SGCD: variants seen among roughly 807,000 people sequenced by gnomAD.
SGCD encodes sarcoglycan delta.
A neutral mutation model predicts 36.6 loss-of-function variants in SGCD; 18 were observed. The observed-to-expected ratio is 0.49, with a 90% confidence interval of 0.34 to 0.73. SGCD has a LOEUF of 0.73. Among genes scored for constraint, SGCD ranks in the 30% least tolerant of loss-of-function variants. The pLI, the probability that SGCD is intolerant of heterozygous loss-of-function variation, is 0.01. For missense variants in SGCD, 387 were observed against 346.7 expected (o/e 1.12, Z -0.92); for synonymous variants, 133 against 130.6 (o/e 1.02, Z -0.12).
At chr5:156,560,910 G>A (rs998856544) in intron 4 of SGCD, among the ~76,000 whole-genome samples, 1 of 152,048 alleles carries the variant, frequency 6.6e-6, no homozygotes, top group African/African-American at 2.4e-5. Flanking sequence ...AACTATTGAC[G>A]ACATTATTAG....
chr5:155,860,211 GA>G, the SGCD span, among the ~76,000 whole-genome samples: 1 of 152,194 alleles, frequency 6.6e-6, no homozygotes, highest in African/African-American at 2.4e-5. Context: ...TCAGGCCAAT[GA>G]CTCAGAACAT....
intron 6 of SGCD, among the ~76,000 whole-genome samples, chr5:156,599,607 A>C (rs1761084353): frequency 6.6e-6 from 1 of 152,224 alleles, no homozygotes; most frequent in Admixed American, 6.5e-5. Flanking sequence ...GGACAATGAC[A>C]ACCTTGAGCA....
intron 1 of SGCD, among the ~76,000 whole-genome samples, chr5:156,030,588 A>AT (rs764071327): frequency 4.7e-4 from 72 of 152,214 alleles, no homozygotes; most frequent in Non-Finnish European, 8.7e-4. Flanking sequence ...GTTTATGGTC[A>AT]TTTTTTATAG....
rs397517923 is a variant in SGCD at position 156,344,554 on chromosome 5, C to T, written c.69C>T (p.Tyr23=). The T allele has an allele frequency of 4.3e-5, 70 of 1,611,946 alleles. No homozygotes were observed. In the Admixed American group the frequency reaches 5.0e-4, roughly 12 times the overall value. Residue 23 remains tyrosine, a synonymous_variant, in exon 3 of 9, where the codon TAC becomes TAT. Transcript: ENST00000337851. ...CTGGCTCTGTGGGGCCACAGGTATA[C>T]AAGGTGGGGATTTATGGCTGGCGGA... ...TMPGSVGPQV[Y]KVGIYGWRKR...
intron 1 of SGCD, among the ~76,000 whole-genome samples, chr5:156,095,713 A>T (rs776978701): frequency 6.6e-6 from 1 of 152,184 alleles, no homozygotes; most frequent in Non-Finnish European, 1.5e-5. Flanking sequence ...GCCCAAGCAT[A>T]AATGTTCCCT....
At chr5:156,275,393 C>T (rs767564999) in intron 3 of SGCD, among the ~76,000 whole-genome samples, 1 of 152,098 alleles carries the variant, frequency 6.6e-6, no homozygotes, top group Non-Finnish European at 1.5e-5. Flanking sequence ...TATCTTAGTA[C>T]ATAAAATATG....
At chr5:156,644,104 T>C (rs913092361) in intron 6 of SGCD, among the ~76,000 whole-genome samples, 1 of 152,216 alleles carries the variant, frequency 6.6e-6, no homozygotes, top group African/African-American at 2.4e-5. Context: ...TACACTTAAG[T>C]AATTTCTGAT....
At chr5:156,146,057 C>CA (rs1421939488) in intron 3 of SGCD, among the ~76,000 whole-genome samples, 13 of 151,920 alleles carry the variant, frequency 8.6e-5, no homozygotes, top group African/African-American at 1.5e-4. Flanking sequence ...ACTAAAAATA[C>CA]AAAAAATTAG....
At chr5:156,143,280 AG>A (rs1390640485) in intron 3 of SGCD, among the ~76,000 whole-genome samples, 2 of 152,196 alleles carry the variant, frequency 1.3e-5, no homozygotes, top group Non-Finnish European at 1.5e-5. Context: ...AAGATTTCAG[AG>A]GATGTGTGGA....
chr5:156,594,875 TTCTC>T (rs138491950), intron 5 of SGCD, 53 bp from the exon 6 acceptor site: 45 of 1,154,726 alleles, frequency 3.9e-5, no homozygotes, highest in African/African-American at 1.2e-4. Context: ...TAATGGTGTT[TTCTC>T]TCTCTCTCTC....
intron 3 of SGCD, among the ~76,000 whole-genome samples, chr5:156,207,956 A>C (rs1241404792): frequency 6.6e-6 from 1 of 152,166 alleles, no homozygotes; most frequent in African/African-American, 2.4e-5. Context: ...CATAATTGTT[A>C]AGAACCCTTT....
the SGCD span, among the ~76,000 whole-genome samples, chr5:155,783,947 A>AT: frequency 3.9e-5 from 6 of 152,196 alleles, no homozygotes; most frequent in Non-Finnish European, 8.8e-5. Context: ...TTCCCTCCTC[A>AT]TGATGTCCAC....
chr5:156,608,779 A>G (rs957151186), intron 6 of SGCD, among the ~76,000 whole-genome samples: 61 of 152,072 alleles, frequency 4.0e-4, no homozygotes, highest in Non-Finnish European at 4.4e-4. Context: ...TGTTGAATTG[A>G]TCCCTTTACC....
chr5:156,579,835 A>G (rs1760168956), intron 4 of SGCD, among the ~76,000 whole-genome samples: 2 of 152,140 alleles, frequency 1.3e-5, no homozygotes, highest in African/African-American at 4.8e-5. Flanking sequence ...TCTCCTGAAT[A>G]CAGCACACTG....
intron 4 of SGCD, among the ~76,000 whole-genome samples, chr5:156,582,851 AGTAGG>A (rs1263259111): frequency 6.6e-6 from 1 of 152,220 alleles, no homozygotes; most frequent in Non-Finnish European, 1.5e-5. Flanking sequence ...AAACACACAC[AGTAGG>A]AGAACCACTG....
chr5:156,137,405 A>G (rs1176723172), intron 3 of SGCD, among the ~76,000 whole-genome samples: 1 of 152,234 alleles, frequency 6.6e-6, no homozygotes, highest in East Asian at 1.9e-4. Flanking sequence ...AACATGGAGA[A>G]CATGTAGAAA....
rs552469618 is a variant in SGCD, at chr5:156,544,391, C to T, written c.294+35689C>T. On this transcript the variant is annotated intron_variant, in intron 4 of 8. Transcript: ENST00000337851. ...ACTGCCAGATTGTGAAATTTGAAAACGGCCAAGTCAGAAAATCTGAAATGT... is the reference window on the plus strand; with the variant it reads ...ACTGCCAGATTGTGAAATTTGAAAATGGCCAAGTCAGAAAATCTGAAATGT... 5.3e-5 allele frequency among the ~76,000 whole-genome samples: 8 copies of T among 152,186 alleles called. No homozygotes were observed. The East Asian group carries it at 7.7e-4, about 15-fold the overall frequency.
intron 3 of SGCD, among the ~76,000 whole-genome samples, chr5:156,407,630 G>T (rs574084907): frequency 6.6e-6 from 1 of 152,266 alleles, no homozygotes; most frequent in African/African-American, 2.4e-5. Context: ...AATTTTCTAT[G>T]GTAAGGCCAT....
chr5:155,863,437 T>C, the SGCD span, among the ~76,000 whole-genome samples: 1 of 152,058 alleles, frequency 6.6e-6, no homozygotes, highest in Non-Finnish European at 1.5e-5. Context: ...TCCAACCCAA[T>C]GAGAAAACAA....
Sources: allele counts gnomAD v4.1 joint callset (sites outside exome capture counted in the v4.1 genomes callset), GRCh38; gene constraint gnomAD v4.1.1; transcripts MANE v1.5; gene names NCBI Gene and HGNC (gene_info 2026-07-23, HGNC 2026-07-21).